The following CFAP52 variants were observed in gnomAD, a reference collection of about 807,000 sequenced individuals.
The protein encoded by CFAP52 is cilia- and flagella-associated protein 52.
In CFAP52, 57 loss-of-function variants were observed where a neutral mutation model predicts 70.5. The observed-to-expected ratio is 0.81, with a 90% confidence interval of 0.65 to 1.01. CFAP52 has a LOEUF of 1.01. Among genes scored for constraint, CFAP52 ranks in the 50% least tolerant of loss-of-function variants. CFAP52 has a pLI of 0.00. For missense variants in CFAP52, 785 were observed against 788.5 expected (o/e 1.00, Z 0.05); for synonymous variants, 267 against 292.5 (o/e 0.91, Z 0.89).
Position 9,615,455 on chromosome 17 carries a change from A to C in CFAP52, c.1025+2976A>C, listed in dbSNP as rs113801746. Among the ~76,000 whole-genome samples the C allele has an allele frequency of 1.7e-3, 258 of 152,240 alleles. 3 individuals carry two copies. The highest frequency in any genetic ancestry group is 5.8e-3 in the African/African-American group (241 of 41,544). ...TTTAATAGAATTTAATTCATTCATA[A>C]GTATTACTATCTGATAAGTTTATAT... On this transcript the variant is annotated intron_variant, in intron 8 of 13. Coordinates refer to ENST00000352665, the MANE Select transcript of CFAP52 (RefSeq NM_145054.5).
At chr17:9,586,864 C>CT in intron 3 of CFAP52, 30 bp downstream of exon 3, 1 of 1,556,976 alleles carries the variant, frequency 6.4e-7, no homozygotes, top group Non-Finnish European at 8.6e-7. Context: ...TACTTATTTT[C>CT]TTTATTTTTT....
At chr17:9,599,170 A>C (rs1424145980) in intron 5 of CFAP52, among the ~76,000 whole-genome samples, 2 of 152,184 alleles carry the variant, frequency 1.3e-5, no homozygotes, top group Admixed American at 6.5e-5. Context: ...TATACTTCCA[A>C]GTTCAGCATC....
At chr17:9,629,586 T>C (rs1910377896) in intron 9 of CFAP52, among the ~76,000 whole-genome samples, 1 of 150,534 alleles carries the variant, frequency 6.6e-6, no homozygotes, top group South Asian at 2.1e-4. Context: ...TCACTCTTGT[T>C]GCCCAAGCTG....
chr17:9,608,239 C>G lies in CFAP52; in HGVS notation c.854+20C>G. ...CATCAAGTAAGTTCCGGGTCTCACA[C>G]AGTGGGGCTGGGTAGAGACCCACTA... On this transcript the variant is annotated intron_variant, in intron 7 of 13. Coordinates refer to ENST00000352665, the MANE Select transcript of CFAP52 (RefSeq NM_145054.5). 2 of 1,592,844 alleles carry G rather than the reference C, an allele frequency of 1.3e-6. No individual in the cohort carries two copies. Among genetic ancestry groups the G allele is most frequent in the Non-Finnish European group, 1.7e-6 (2 of 1,167,300 alleles).
chr17:9,610,276 C>A (rs191730110), intron 7 of CFAP52: 73 of 152,286 alleles, frequency 4.8e-4, no homozygotes, highest in African/African-American at 1.7e-3. Context: ...TAATTTTTTA[C>A]CCCTTTGTTT....
At chr17:9,631,082 G>GAAAGAAAGAAAGAAAGAAAGAAAGAA (rs56818169) in intron 9 of CFAP52, among the ~76,000 whole-genome samples, 11 of 49,050 alleles carry the variant, frequency 2.2e-4, no homozygotes, top group African/African-American at 3.3e-4. Context: ...AAGAAAGAAA[G>GAAAGAAAGAAAGAAAGAAAGAAAGAA]AGAAAGAAAG....
chr17:9,641,787 T>C lies in CFAP52; in HGVS notation c.1639T>C (p.Ser547Pro), dbSNP rs1220752460. ...IRELEGSLSG[S>P]INGMDITQEG... is the part of the protein sequence containing the mutation. Reference sequence around the variant, plus strand: ...AGAATTGGAAGGTTCCCTGTCTGGGTCGATAAATGGCATGGATATCACACA... The same window carrying C: ...AGAATTGGAAGGTTCCCTGTCTGGGCCGATAAATGGCATGGATATCACACA... Residue 547 changes from serine (S) to proline (P), a missense_variant, in exon 13 of 14, where the codon TCG (serine) becomes CCG (proline). Transcript: ENST00000352665. The C allele has an allele frequency of 6.2e-7, 1 of 1,613,944 alleles. No individual in the cohort carries two copies. The highest frequency in any genetic ancestry group is 8.5e-7 in the Non-Finnish European group (1 of 1,179,894).
intron 11 of CFAP52, among the ~76,000 whole-genome samples, chr17:9,636,969 C>T (rs913746120): frequency 1.3e-5 from 2 of 152,046 alleles, no homozygotes; most frequent in African/African-American, 2.4e-5. Flanking sequence ...CGCTTGAACC[C>T]GGGAGGCGGA....
Position 9,635,612 on chromosome 17 carries a change from A to T in CFAP52, c.1472+56A>T, listed in dbSNP as rs529313316. On this transcript the variant is annotated intron_variant, in intron 11 of 13. Transcript: ENST00000352665. ...ATACCTGCAAAATCCAATCATGCCA[A>T]CAGTTTATTGAACATGAGAGAAGAT... 1,130 of 1,607,822 alleles carry T rather than the reference A, an allele frequency of 7.0e-4. 1 individual carries two copies. The highest frequency in any genetic ancestry group is 8.4e-4 in the Non-Finnish European group (989 of 1,175,842).
intron 1 of CFAP52, among the ~76,000 whole-genome samples, chr17:9,578,485 T>A (rs559639293): frequency 6.6e-6 from 1 of 152,344 alleles, no homozygotes; most frequent in Admixed American, 6.5e-5. Flanking sequence ...GTTTTCATAT[T>A]GCTTATCTCA....
rs555923244 is a variant in CFAP52 at position 9,633,675 on chromosome 17, CT to C, written c.1320+658del. Among the ~76,000 whole-genome samples the C allele has an allele frequency of 5.8e-3, 797 of 138,384 alleles. 3 individuals are homozygous for C. Among genetic ancestry groups the C allele is most frequent in the African/African-American group, 9.0e-3 (344 of 38,142 alleles). 90.8% of individuals were successfully genotyped at this position (138,384 alleles called of 152,430 possible). On this transcript the variant is annotated intron_variant, in intron 10 of 13. Transcript: ENST00000352665. ...GTGGTTGTACGAATTGTCATCTTATCTTTTTTTTTTTTTTTTAGACGGACAG... is the reference window on the plus strand; with the variant it reads ...GTGGTTGTACGAATTGTCATCTTATCTTTTTTTTTTTTTTTAGACGGACAG...
chr17:9,626,373 GCGCACAC>G (rs2151946871), intron 8 of CFAP52, among the ~76,000 whole-genome samples: 1 of 152,248 alleles, frequency 6.6e-6, no homozygotes, highest in Non-Finnish European at 1.5e-5. Context: ...GGGACTACAG[GCGCACAC>G]CACCACACCC....
chr17:9,605,290 A>T (rs995260270), intron 6 of CFAP52, among the ~76,000 whole-genome samples: 1 of 152,208 alleles, frequency 6.6e-6, no homozygotes, highest in Non-Finnish European at 1.5e-5. Flanking sequence ...TAAAGTCAGG[A>T]AAAGACTTTA....
At chr17:9,586,446 C>G (rs1355192178) in intron 2 of CFAP52, among the ~76,000 whole-genome samples, 1 of 151,840 alleles carries the variant, frequency 6.6e-6, no homozygotes, top group African/African-American at 2.4e-5. Flanking sequence ...GCCTGTAATC[C>G]CAGCTACTCG....
intron 11 of CFAP52, among the ~76,000 whole-genome samples, chr17:9,636,193 AAG>A (rs1212773575): frequency 1.0e-5 from 1 of 99,384 alleles, no homozygotes; most frequent in South Asian, 3.5e-4. Context: ...GAAAGAAAGA[AAG>A]AAAGAAAGAA....
chr17:9,635,301 AAC>A, intron 10 of CFAP52, 102 bp from the exon 11 acceptor site: 1 of 1,508,436 alleles, frequency 6.6e-7, no homozygotes. Flanking sequence ...GAATTAAAAA[AAC>A]ACAAATCAAG....
At chr17:9,592,430 T>C (rs545516132) in intron 3 of CFAP52, among the ~76,000 whole-genome samples, 13 of 150,244 alleles carry the variant, frequency 8.7e-5, no homozygotes, top group African/African-American at 3.3e-4. Context: ...GATTGCCCCA[T>C]TGCACTCCAG....
chr17:9,615,988 G>A (rs538909742), intron 8 of CFAP52, among the ~76,000 whole-genome samples: 1 of 151,566 alleles, frequency 6.6e-6, no homozygotes, highest in African/African-American at 2.4e-5. Context: ...GTTTTTCGGG[G>A]GGAGGAGCCA....
At chr17:9,585,661 A>G (rs1908430707) in intron 1 of CFAP52, 112 bp from the exon 2 acceptor site, 1 of 1,126,322 alleles carries the variant, frequency 8.9e-7, no homozygotes. Context: ...GACAAGTGCA[A>G]GACTCTGTCA....
Sources: gnomAD v4.1 joint callset for allele counts (sites outside exome capture counted in the v4.1 genomes callset) on GRCh38, gnomAD v4.1.1 for gene constraint, MANE v1.5 for transcripts, NCBI Gene and HGNC (gene_info 2026-07-23, HGNC 2026-07-21) for gene names.